Variants in LOC128462377 observed in about 807,000 individuals in gnomAD.
chr16:89,326,835 G>T, the LOC128462377 span, among the ~76,000 whole-genome samples: 3 of 152,204 alleles, frequency 2.0e-5, no homozygotes, highest in Non-Finnish European at 4.4e-5. Flanking sequence ...CTAAGAAAGG[G>T]GCTTAACACA....
At chr16:89,377,335 T>C in the LOC128462377 span, among the ~76,000 whole-genome samples, 3 of 152,096 alleles carry the variant, frequency 2.0e-5, no homozygotes, top group South Asian at 2.1e-4. Context: ...ATCATTGTTA[T>C]AGAGAAAGCC....
chr16:89,385,144 G>A, the LOC128462377 span, among the ~76,000 whole-genome samples: 7 of 151,656 alleles, frequency 4.6e-5, no homozygotes, highest in Admixed American at 2.6e-4. Flanking sequence ...CCAAAGTGCT[G>A]GGATTACAGG....
chr16:89,394,768 T>G, the LOC128462377 span, among the ~76,000 whole-genome samples: 2 of 152,138 alleles, frequency 1.3e-5, no homozygotes, highest in African/African-American at 4.8e-5. Flanking sequence ...TGCTGTAAAA[T>G]TACACACAGC....
At chr16:89,336,821 C>G in the LOC128462377 span, among the ~76,000 whole-genome samples, 2 of 152,044 alleles carry the variant, frequency 1.3e-5, no homozygotes, top group Non-Finnish European at 2.9e-5. Flanking sequence ...AAAGGAATGT[C>G]TTTCCATTAG....
At chr16:89,384,524 A>C in the LOC128462377 span, among the ~76,000 whole-genome samples, 1 of 129,492 alleles carries the variant, frequency 7.7e-6, no homozygotes, top group Non-Finnish European at 1.6e-5. Flanking sequence ...GACATGGAAC[A>C]GGATGGGATG....
At chr16:89,361,663 G>A in the LOC128462377 span, 1 of 152,100 alleles carries the variant, frequency 6.6e-6, no homozygotes, top group South Asian at 2.1e-4. Context: ...ACAGGCTCAG[G>A]GAGACCTTCC....
At chr16:89,413,261 A>G in the LOC128462377 span, among the ~76,000 whole-genome samples, 45 of 152,274 alleles carry the variant, frequency 3.0e-4, no homozygotes, top group South Asian at 1.5e-3. Flanking sequence ...CATAATTACT[A>G]CGCATATTTT....
the LOC128462377 span, among the ~76,000 whole-genome samples, chr16:89,377,462 G>A: frequency 6.6e-6 from 1 of 151,878 alleles, no homozygotes; most frequent in Non-Finnish European, 1.5e-5. Flanking sequence ...AAGAGACTGC[G>A]GACATGTGGG....
At chr16:89,334,099 C>T in the LOC128462377 span, among the ~76,000 whole-genome samples, 3 of 144,428 alleles carry the variant, frequency 2.1e-5, no homozygotes, top group African/African-American at 8.0e-5. Context: ...ATCACTTAAG[C>T]CCAGTTCAAG....
At chr16:89,351,609 G>C in the LOC128462377 span, among the ~76,000 whole-genome samples, 1 of 152,230 alleles carries the variant, frequency 6.6e-6, no homozygotes, top group Admixed American at 6.5e-5. Flanking sequence ...TTGGCATTGA[G>C]GCAATGCTGC....
the LOC128462377 span, among the ~76,000 whole-genome samples, chr16:89,383,844 C>A: frequency 2.3e-3 from 352 of 152,354 alleles, no homozygotes; most frequent in Non-Finnish European, 3.5e-3. Context: ...CTCACTCCCA[C>A]CTTTCCCAAA....
At chr16:89,341,902 C>CA in the LOC128462377 span, among the ~76,000 whole-genome samples, 337 of 55,840 alleles carry the variant, frequency 6.0e-3, no homozygotes, top group Middle Eastern at 0.01. Context: ...GCACCTCCAC[C>CA]CACAGCGGCC....
At chr16:89,364,083 C>G in the LOC128462377 span, among the ~76,000 whole-genome samples, 1 of 151,714 alleles carries the variant, frequency 6.6e-6, no homozygotes, top group African/African-American at 2.4e-5. Context: ...CACACACACA[C>G]ACTCAATGGA....
At chr16:89,411,237 G>A in the LOC128462377 span, among the ~76,000 whole-genome samples, 1 of 152,224 alleles carries the variant, frequency 6.6e-6, no homozygotes, top group African/African-American at 2.4e-5. Flanking sequence ...TGCCACCACG[G>A]GGGCCCAGGG....
At chr16:89,342,775 C>T in the LOC128462377 span, among the ~76,000 whole-genome samples, 84 of 152,322 alleles carry the variant, frequency 5.5e-4, no homozygotes, top group African/African-American at 2.0e-3. Flanking sequence ...AGGAAACACA[C>T]AATTGCATGT....
chr16:89,379,484 C>A, the LOC128462377 span, among the ~76,000 whole-genome samples: 1 of 152,196 alleles, frequency 6.6e-6, no homozygotes, highest in Non-Finnish European at 1.5e-5. Context: ...TTCCAGGAGT[C>A]CAACTTGAAC....
the LOC128462377 span, among the ~76,000 whole-genome samples, chr16:89,344,278 TC>T: frequency 2.0e-5 from 3 of 152,182 alleles, no homozygotes; most frequent in Non-Finnish European, 2.9e-5. Flanking sequence ...ATTTGGAGCC[TC>T]TAACGAGCCT....
At chr16:89,378,774 C>G in the LOC128462377 span, among the ~76,000 whole-genome samples, 3 of 152,110 alleles carry the variant, frequency 2.0e-5, no homozygotes, top group African/African-American at 7.2e-5. Context: ...TTAGTAGAGA[C>G]GGGGTTTCAT....
the LOC128462377 span, among the ~76,000 whole-genome samples, chr16:89,375,669 G>A: frequency 2.0e-5 from 3 of 150,720 alleles, no homozygotes; most frequent in African/African-American, 7.3e-5. Flanking sequence ...TGGCCAGGCT[G>A]GTCTCAAGCT....
Sources: gnomAD v4.1 joint callset for allele counts (sites outside exome capture counted in the v4.1 genomes callset) on GRCh38, gnomAD v4.1.1 for gene constraint, MANE v1.5 for transcripts.